The following BFAR variants were observed in gnomAD, a reference collection of about 807,000 sequenced individuals.
BFAR encodes RING finger protein 47.
BFAR carries 52 observed loss-of-function variants against 54.4 expected under a neutral mutation model. That is an observed-to-expected ratio of 0.96 (90% CI 0.77 to 1.21). The LOEUF (loss-of-function observed/expected upper bound fraction) is 1.21. Among genes scored for constraint, BFAR ranks in the 50% most tolerant of loss-of-function variants. BFAR has a pLI of 0.00. For missense variants in BFAR, 571 were observed against 534.0 expected, an observed-to-expected ratio of 1.07 and a Z score of -0.68; for synonymous variants, 215 against 204.3, an observed-to-expected ratio of 1.05 and a Z score of -0.45.
intron 2 of BFAR, among the ~76,000 whole-genome samples, chr16:14,645,638 G>T (rs142951531): frequency 1.1e-3 from 167 of 152,254 alleles, no homozygotes; most frequent in African/African-American, 3.9e-3. Flanking sequence ...TTTCACAAAA[G>T]ATGTGTTTAC....
intron 5 of BFAR, 39 bp downstream of exon 5, chr16:14,655,249 A>C: frequency 1.7e-6 from 2 of 1,187,820 alleles, no homozygotes; most frequent in Non-Finnish European, 2.2e-6. Context: ...TTTACTTTTT[A>C]TTTTTATTTT....
At chr16:14,638,838 A>C (rs1430667000) in intron 1 of BFAR, among the ~76,000 whole-genome samples, 1 of 151,962 alleles carries the variant, frequency 6.6e-6, no homozygotes, top group Non-Finnish European at 1.5e-5. Context: ...CCAGCTACTC[A>C]GGAGGCTGAG....
rs1374943370 is a variant in BFAR at position 14,667,791 on chromosome 16, C to T, written c.1317C>T (p.Val439=). 1 of 1,614,016 alleles carries T rather than the reference C, an allele frequency of 6.2e-7. No individual in the cohort carries two copies. ...CAATTATTAACATTGATCTTGTGGT[C>T]AAGGAACTCCGGCGGCTGGAAACCC... The part of the protein sequence containing the change: ...FNPIINIDLV[V]KELRRLETQV... The change falls in exon 8 of 8, where the codon GTC becomes GTT. Residue 439 remains valine, a synonymous_variant. Coordinates refer to ENST00000261658, the MANE Select transcript of BFAR (RefSeq NM_016561.3).
intron 7 of BFAR, among the ~76,000 whole-genome samples, chr16:14,666,308 T>A (rs1476882006): frequency 1.3e-5 from 2 of 152,184 alleles, no homozygotes; most frequent in East Asian, 1.9e-4. Flanking sequence ...CAGTGGTTCA[T>A]GCCTGTAATC....
chr16:14,644,670 T>C (rs201328205), intron 2 of BFAR, 61 bp downstream of exon 2: 6 of 588,078 alleles, frequency 1.0e-5, no homozygotes, highest in South Asian at 4.4e-5. Flanking sequence ...CTCTCTTGCT[T>C]TTTTTTTTTT....
chr16:14,660,610 G>A (rs1449373236), intron 5 of BFAR, among the ~76,000 whole-genome samples: 77 of 128,836 alleles, frequency 6.0e-4, no homozygotes, highest in African/African-American at 2.1e-3. Flanking sequence ...TTAAAGAAAC[G>A]AGGTCTTACG....
intron 6 of BFAR, among the ~76,000 whole-genome samples, chr16:14,663,694 CA>C (rs1304917899): frequency 6.6e-6 from 1 of 151,802 alleles, no homozygotes; most frequent in Non-Finnish European, 1.5e-5. Context: ...CCTGCCATCA[CA>C]AAAAAAATTA....
chr16:14,657,156 A>G (rs1339242821), intron 5 of BFAR, among the ~76,000 whole-genome samples: 1 of 152,162 alleles, frequency 6.6e-6, no homozygotes, highest in Non-Finnish European at 1.5e-5. Context: ...TATTACTTTA[A>G]TAACTAGTTT....
chr16:14,661,894 T>C lies in BFAR; in HGVS notation c.786T>C (p.Ala262=). The change falls in exon 6 of 8, where the codon GCT becomes GCC. Residue 262 remains alanine, a splice_region_variant and synonymous_variant. Coordinates refer to ENST00000261658, the MANE Select transcript of BFAR (RefSeq NM_016561.3). The part of the protein sequence containing the change: ...KPPQNLWEYK[A]VNPGRSLFLL... ...CCCTGTACTCTTCTCCTCTGCAGGC[T>C]GTGAACCCAGGCAGGTCCCTGTTCC... 4 of 1,614,132 alleles carry C rather than the reference T, an allele frequency of 2.5e-6. No homozygotes were observed. The highest frequency in any genetic ancestry group is 3.4e-6 in the Non-Finnish European group (4 of 1,180,004).
chr16:14,643,229 G>C (rs1190784855), intron 1 of BFAR, among the ~76,000 whole-genome samples: 1 of 152,036 alleles, frequency 6.6e-6, no homozygotes, highest in African/African-American at 2.4e-5. Flanking sequence ...AGAATTGCTT[G>C]AACCTGGCAG....
intron 4 of BFAR, among the ~76,000 whole-genome samples, chr16:14,651,398 T>C (rs1324523436): frequency 1.3e-5 from 2 of 152,136 alleles, no homozygotes; most frequent in South Asian, 2.1e-4. Context: ...GCTTCCATGC[T>C]CTCCACGGGT....
chr16:14,647,499 C>G (rs1020194819), intron 2 of BFAR, among the ~76,000 whole-genome samples: 2 of 151,886 alleles, frequency 1.3e-5, no homozygotes, highest in African/African-American at 4.8e-5. Flanking sequence ...GAATTCAAGA[C>G]CAGCCTAGCC....
intron 1 of BFAR, among the ~76,000 whole-genome samples, chr16:14,642,054 T>C (rs1163881395): frequency 3.9e-5 from 6 of 152,006 alleles, no homozygotes; most frequent in Non-Finnish European, 2.9e-5. Context: ...ATGGCAGAGG[T>C]GGGGTGAGAA....
intron 4 of BFAR, among the ~76,000 whole-genome samples, chr16:14,654,034 C>T (rs568813244): frequency 1.2e-3 from 127 of 104,838 alleles, no homozygotes; most frequent in African/African-American, 4.5e-3. Flanking sequence ...TTTTTTGAGG[C>T]GGAGTCTTGC....
In BFAR at chr16:14,649,961, G is replaced by A. The variant is rs151058471; in HGVS notation, c.626G>A (p.Arg209Gln). ...TACAGGGAAAGGTTTTTATCTGAAC[G>A]AGTAAATGGAAGGTGAGGAGCAAAG... is the stretch of plus-strand genomic sequence containing the variant. ...SLYRERFLSE[R>Q]VNGRLLLTLT... is the part of the protein sequence containing the mutation. The change falls in exon 4 of 8, where the codon CGA becomes CAA. Residue 209 changes from arginine to glutamine, a missense_variant. Physicochemically the swap from Arg to Gln is conservative, Grantham distance 43. Transcript: ENST00000261658. 15 of 1,607,564 alleles carry A rather than the reference G, an allele frequency of 9.3e-6. No homozygotes were observed. Among genetic ancestry groups the A allele is most frequent in the African/African-American group, 4.0e-5 (3 of 74,700 alleles).
intron 1 of BFAR, among the ~76,000 whole-genome samples, chr16:14,638,307 C>G (rs989852903): frequency 2.0e-5 from 3 of 152,094 alleles, no homozygotes; most frequent in African/African-American, 7.2e-5. Context: ...CACTGGAGCC[C>G]GAAAGTTCAA....
intron 1 of BFAR, among the ~76,000 whole-genome samples, chr16:14,639,686 TC>T (rs1264384308): frequency 1.3e-5 from 2 of 152,212 alleles, no homozygotes; most frequent in Admixed American, 6.5e-5. Flanking sequence ...TCTTTCCTTT[TC>T]TTTTAGGGAT....
chr16:14,635,069 T>C (rs1056434329), intron 1 of BFAR, among the ~76,000 whole-genome samples: 2 of 152,310 alleles, frequency 1.3e-5, no homozygotes, highest in Middle Eastern at 3.4e-3. Flanking sequence ...GCACGGTGGC[T>C]CACTCCTGTA....
chr16:14,667,529 C>T (rs1003027903), intron 7 of BFAR, 106 bp from the exon 8 acceptor site: 21 of 1,045,868 alleles, frequency 2.0e-5, no homozygotes, highest in East Asian at 4.8e-5. Context: ...ACATTCAGCA[C>T]GGGCAGCCAT....
Sources: allele counts gnomAD v4.1 joint callset (sites outside exome capture counted in the v4.1 genomes callset), GRCh38; gene constraint gnomAD v4.1.1; transcripts MANE v1.5; gene names NCBI Gene and HGNC (gene_info 2026-07-23, HGNC 2026-07-21).